Variants in NKAIN3 observed in about 807,000 individuals in gnomAD.
NKAIN3 encodes the protein sodium/potassium transporting ATPase interacting 3, also known as sodium/potassium-transporting ATPase subunit beta-1-interacting protein 3.
A neutral mutation model predicts 30.2 loss-of-function variants in NKAIN3; 25 were observed. The ratio of observed to expected loss-of-function variants is 0.83; its 90% CI spans 0.60 to 1.16. The LOEUF (loss-of-function observed/expected upper bound fraction) is 1.16. Among genes scored for constraint, NKAIN3 ranks in the 50% most tolerant of loss-of-function variants. The probability of loss-of-function intolerance (pLI) is 0.00; values close to 1 mark genes in which losing one functional copy is unlikely to be tolerated. For synonymous variants in NKAIN3, 91 were observed against 89.6 expected (o/e 1.02, Z -0.09); for missense variants, 225 against 254.1 (o/e 0.89, Z 0.78).
chr8:62,308,696 G>C (rs1161327461), intron 1 of NKAIN3, among the ~76,000 whole-genome samples: 1 of 150,442 alleles, frequency 6.6e-6, no homozygotes, highest in African/African-American at 2.5e-5. Flanking sequence ...TGGGATGCAA[G>C]AGTCATGACA....
intron 1 of NKAIN3, among the ~76,000 whole-genome samples, chr8:62,366,321 G>C (rs1379764098): frequency 1.3e-5 from 2 of 151,404 alleles, no homozygotes; most frequent in Non-Finnish European, 2.9e-5. Flanking sequence ...CTGCCTCCAG[G>C]GTTCAAGCAA....
At chr8:62,521,270 C>G (rs768924429) in intron 1 of NKAIN3, among the ~76,000 whole-genome samples, 76 of 152,206 alleles carry the variant, frequency 5.0e-4, no homozygotes, top group Non-Finnish European at 9.6e-4. Flanking sequence ...AAAGGCCACA[C>G]TGCCAGCTGT....
At chr8:62,751,733 G>A (rs1210014255) in intron 4 of NKAIN3, among the ~76,000 whole-genome samples, 1 of 151,806 alleles carries the variant, frequency 6.6e-6, no homozygotes, top group African/African-American at 2.4e-5. Flanking sequence ...ATACTATAGC[G>A]AGTATAATAT....
chr8:62,848,581 G>C (rs368202258), intron 4 of NKAIN3, among the ~76,000 whole-genome samples: 2 of 152,044 alleles, frequency 1.3e-5, no homozygotes, highest in Non-Finnish European at 2.9e-5. Flanking sequence ...CGAGACGATG[G>C]GATATTCTAG....
intron 1 of NKAIN3, among the ~76,000 whole-genome samples, chr8:62,472,400 A>G (rs1435265026): frequency 1.3e-5 from 2 of 152,190 alleles, no homozygotes; most frequent in African/African-American, 2.4e-5. Flanking sequence ...AATCTTTCTG[A>G]GACTCAGTTT....
At chr8:62,387,349 CAAA>C (rs5891851) in intron 1 of NKAIN3, among the ~76,000 whole-genome samples, 195 of 142,446 alleles carry the variant, frequency 1.4e-3, no homozygotes, top group African/African-American at 4.5e-3. Flanking sequence ...AAAAATGTAG[CAAA>C]AAAAAAAAAA....
intron 1 of NKAIN3, among the ~76,000 whole-genome samples, chr8:62,452,081 A>T (rs1443805697): frequency 6.6e-6 from 1 of 152,204 alleles, no homozygotes; most frequent in African/African-American, 2.4e-5. Flanking sequence ...GCCAATAGGT[A>T]CCAAACTGCA....
At chr8:62,452,674 C>G (rs2129598941) in intron 1 of NKAIN3, among the ~76,000 whole-genome samples, 1 of 152,138 alleles carries the variant, frequency 6.6e-6, no homozygotes, top group Non-Finnish European at 1.5e-5. Context: ...ATAAAAGAGT[C>G]TTGATTCCTA....
In NKAIN3 at chr8:62,918,470, T is replaced by C. The variant is rs1244353559; in HGVS notation, c.489T>C (p.Tyr163=). ...TTTTGCAGTTGGTGGGTTTTGTGTA[T>C]GCCTGTTATGTGATCAGTATTTCCA... ...QILLSLVGFV[Y]ACYVISISME... Residue 163 remains tyrosine (Y), a synonymous_variant, in exon 5 of 7, where the codon TAT becomes TAC. Transcript: ENST00000623646. 6.2e-7 allele frequency: 1 copy of C among 1,613,180 alleles called. No individual in the cohort carries two copies. The highest frequency in any genetic ancestry group is 1.1e-5 in the South Asian group (1 of 91,028).
chr8:62,306,714 G>C (rs1391152130), intron 1 of NKAIN3, among the ~76,000 whole-genome samples: 1 of 150,026 alleles, frequency 6.7e-6, no homozygotes, highest in Admixed American at 6.6e-5. Context: ...TGGAATCATA[G>C]GTTTGGCCAA....
intron 1 of NKAIN3, among the ~76,000 whole-genome samples, chr8:62,280,591 T>C (rs913535371): frequency 1.3e-4 from 20 of 152,200 alleles, no homozygotes; most frequent in African/African-American, 4.3e-4. Flanking sequence ...TGAAGGGCTA[T>C]TGAATTTTGT....
rs201164651 is a variant in NKAIN3, at chr8:62,858,064, TTG to T, written c.472-60387_472-60386del. On this transcript the variant is annotated intron_variant, in intron 4 of 6. Transcript: ENST00000623646. ...GTTGTTGTTGTTTTCTGTGTTTTTT[TTG>T]TTGTTGTTGTTTTTCTTTGAACAGT... is the stretch of plus-strand genomic sequence containing the variant. Among the ~76,000 whole-genome samples, 264 of 151,842 alleles carry T rather than the reference TTG, an allele frequency of 1.7e-3. 1 individual carries two copies. Among genetic ancestry groups the T allele is most frequent in the African/African-American group, 6.1e-3 (251 of 41,176 alleles).
At chr8:62,886,871 G>A (rs1036308959) in intron 4 of NKAIN3, among the ~76,000 whole-genome samples, 10 of 152,220 alleles carry the variant, frequency 6.6e-5, no homozygotes, top group African/African-American at 2.2e-4. Context: ...CTGGGTCCCT[G>A]TGTTCTCATT....
chr8:62,699,610 C>T (rs1814268428), intron 3 of NKAIN3, among the ~76,000 whole-genome samples: 1 of 152,152 alleles, frequency 6.6e-6, no homozygotes, highest in African/African-American at 2.4e-5. Flanking sequence ...TTAAGATCTT[C>T]AAAAGCCTTT....
At chr8:62,259,118 A>T (rs1812351408) in intron 1 of NKAIN3, among the ~76,000 whole-genome samples, 1 of 152,190 alleles carries the variant, frequency 6.6e-6, no homozygotes. Flanking sequence ...TGCAGATGAT[A>T]TGCAATGGGA....
chr8:62,360,426 A>G (rs1383674030), intron 1 of NKAIN3, among the ~76,000 whole-genome samples: 1 of 152,240 alleles, frequency 6.6e-6, no homozygotes, highest in East Asian at 1.9e-4. Context: ...GATTCTGGAC[A>G]AGCAAGGATC....
chr8:62,424,450 CAA>C (rs5891855), intron 1 of NKAIN3, among the ~76,000 whole-genome samples: 1 of 151,316 alleles, frequency 6.6e-6, no homozygotes, highest in Non-Finnish European at 1.5e-5. Context: ...AACTCAATAG[CAA>C]AAAAAACAAA....
chr8:62,599,662 C>G (rs755500646), intron 3 of NKAIN3, among the ~76,000 whole-genome samples: 1 of 152,006 alleles, frequency 6.6e-6, no homozygotes, highest in Non-Finnish European at 1.5e-5. Flanking sequence ...GACTGAGTGA[C>G]TCGTTTAAAA....
intron 1 of NKAIN3, among the ~76,000 whole-genome samples, chr8:62,274,797 C>G (rs991254038): frequency 2.0e-5 from 3 of 150,648 alleles, no homozygotes; most frequent in African/African-American, 7.4e-5. Flanking sequence ...TTCCTGTGTC[C>G]ATGTGTTCTC....
Sources: allele counts gnomAD v4.1 joint callset (sites outside exome capture counted in the v4.1 genomes callset), GRCh38; gene constraint gnomAD v4.1.1; transcripts MANE v1.5; gene names NCBI Gene and HGNC (gene_info 2026-07-23, HGNC 2026-07-21).